Variants in WWC2 observed in about 807,000 individuals in gnomAD.
WWC2 encodes the protein protein WWC2.
Under a neutral mutation model 138.5 loss-of-function variants are expected in WWC2, and 101 were observed. That is an observed-to-expected ratio of 0.73 (90% CI 0.62 to 0.86). WWC2 has a LOEUF of 0.86. Ranked by LOEUF, WWC2 falls within the 40% of genes least tolerant of loss-of-function variation. The probability of loss-of-function intolerance (pLI) is 0.00; values close to 1 mark genes in which losing one functional copy is unlikely to be tolerated. For missense variants in WWC2, 1,420 were observed against 1,419.4 expected (o/e 1.00, Z -0.01); for synonymous variants, 558 against 538.4 (o/e 1.04, Z -0.50).
chr4:183,296,933 C>CAAAAAAAAAAAAAAA (rs776211338), intron 21 of WWC2, among the ~76,000 whole-genome samples: 1 of 70,766 alleles, frequency 1.4e-5, no homozygotes, highest in African/African-American at 6.3e-5. Context: ...GACTCCGTCT[C>CAAAAAAAAAAAAAAA]AAAAAAAAAA....
At chr4:183,270,967 T>A (rs992081098) in intron 15 of WWC2, 113 bp from the exon 16 acceptor site, 13 of 995,914 alleles carry the variant, frequency 1.3e-5, no homozygotes, top group Non-Finnish European at 1.6e-5. Flanking sequence ...GTGTTTTTTT[T>A]ACCCTAAAAC....
intron 9 of WWC2, among the ~76,000 whole-genome samples, chr4:183,256,345 T>C (rs1026761003): frequency 2.0e-5 from 3 of 152,208 alleles, no homozygotes; most frequent in African/African-American, 4.8e-5. Flanking sequence ...CCTGCTGCCA[T>C]TGGGAACACT....
Position 183,235,034 on chromosome 4 carries a change from A to G in WWC2, c.523-5149A>G, listed in dbSNP as rs1736373654. On this transcript the variant is annotated intron_variant, in intron 4 of 22. Transcript: ENST00000403733. ...AACACCATACCGATAAAACCAAAAC[A>G]ACTAGAAATAATGTCTGCTTGGAAA... 2.6e-5 allele frequency among the ~76,000 whole-genome samples: 4 copies of G among 152,230 alleles called. No homozygotes were observed. In the South Asian group the frequency reaches 8.3e-4, roughly 32 times the overall value.
intron 16 of WWC2, among the ~76,000 whole-genome samples, chr4:183,278,875 T>C (rs1737962808): frequency 6.6e-6 from 1 of 151,030 alleles, no homozygotes; most frequent in African/African-American, 2.4e-5. Flanking sequence ...AAGGAGGTTT[T>C]GGGCTGAGAC....
chr4:183,223,777 C>T (rs1353367836), intron 4 of WWC2, among the ~76,000 whole-genome samples: 2 of 152,096 alleles, frequency 1.3e-5, no homozygotes, highest in African/African-American at 4.8e-5. Flanking sequence ...CTTACCCAGG[C>T]TGAAGGGCAG....
At chr4:183,102,675 G>A (rs937383052) in intron 1 of WWC2, among the ~76,000 whole-genome samples, 5 of 152,150 alleles carry the variant, frequency 3.3e-5, no homozygotes, top group African/African-American at 1.2e-4. Flanking sequence ...TTCAGGCTGA[G>A]TGACTAGGCT....
rs536109135 is a variant in WWC2 at position 183,229,865 on chromosome 4, G to A, written c.523-10318G>A. On this transcript the variant is annotated intron_variant, in intron 4 of 22. Transcript: ENST00000403733. ...TTTTGAGACAGAGTCTCGCTCTTTC[G>A]CCAAGGCTGGAGTGCAGCGGCTCAA... is the stretch of plus-strand genomic sequence containing the variant. Among the ~76,000 whole-genome samples the A allele has an allele frequency of 3.6e-4, 54 of 152,086 alleles. 1 individual carries two copies. The South Asian group carries it at 8.9e-3, about 25-fold the overall frequency.
intron 1 of WWC2, among the ~76,000 whole-genome samples, chr4:183,110,081 A>C (rs1031887464): frequency 6.6e-6 from 1 of 152,210 alleles, no homozygotes; most frequent in African/African-American, 2.4e-5. Flanking sequence ...TTGCCATGGC[A>C]GGGCCTAAAG....
intron 1 of WWC2, among the ~76,000 whole-genome samples, chr4:183,186,418 C>A (rs1321315677): frequency 6.6e-6 from 1 of 152,082 alleles, no homozygotes; most frequent in Non-Finnish European, 1.5e-5. Context: ...AAGGGAAATT[C>A]TATGATAGGG....
At chr4:183,136,737 T>A (rs947253652) in intron 1 of WWC2, among the ~76,000 whole-genome samples, 17 of 152,284 alleles carry the variant, frequency 1.1e-4, no homozygotes, top group East Asian at 5.8e-4. Context: ...TTTTGCAAAA[T>A]TTTTTTAAAG....
chr4:183,100,518 G>A (rs1389608453), intron 1 of WWC2, among the ~76,000 whole-genome samples: 1 of 152,148 alleles, frequency 6.6e-6, no homozygotes, highest in Non-Finnish European at 1.5e-5. Context: ...ATTCCTAATT[G>A]TAAATTTAAA....
intron 1 of WWC2, among the ~76,000 whole-genome samples, chr4:183,126,405 G>A (rs1438438879): frequency 6.6e-6 from 1 of 152,134 alleles, no homozygotes; most frequent in Non-Finnish European, 1.5e-5. Context: ...TGACATCCTG[G>A]TTCTCAACTC....
At chr4:183,139,808 T>G (rs1450979898) in intron 1 of WWC2, among the ~76,000 whole-genome samples, 2 of 146,944 alleles carry the variant, frequency 1.4e-5, no homozygotes, top group African/African-American at 2.7e-5. Flanking sequence ...AATTGGTTTT[T>G]GTTTTTGTTT....
chr4:183,250,389 A>G (rs1398772028), intron 8 of WWC2, among the ~76,000 whole-genome samples: 1 of 152,166 alleles, frequency 6.6e-6, no homozygotes, highest in Non-Finnish European at 1.5e-5. Context: ...GCAAATAAGT[A>G]TTGATTTATT....
intron 5 of WWC2, among the ~76,000 whole-genome samples, chr4:183,243,732 A>G (rs1277970900): frequency 7.1e-6 from 1 of 140,316 alleles, no homozygotes; most frequent in Non-Finnish European, 1.5e-5. Context: ...TCCCCATTCT[A>G]AACACTGTGT....
intron 21 of WWC2, among the ~76,000 whole-genome samples, chr4:183,309,830 G>A (rs937244150): frequency 6.6e-6 from 1 of 152,198 alleles, no homozygotes; most frequent in African/African-American, 2.4e-5. Flanking sequence ...CCTTCAGTAG[G>A]TGAATGGTTA....
chr4:183,281,244 T>A (rs1310044358), intron 17 of WWC2: 4 of 335,110 alleles, frequency 1.2e-5, no homozygotes, highest in Non-Finnish European at 2.1e-5. Flanking sequence ...TATTTTTCTT[T>A]TAACTACCTG....
At position 183,255,259 on chromosome 4, in the gene WWC2, C is replaced by T. The variant is rs577461090; in HGVS notation, c.1196+1260C>T. On this transcript the variant is annotated intron_variant, in intron 9 of 22. Transcript: ENST00000403733. ...TTTCTGTCTAATTTTGCTGACCAAA[C>T]GGTCAGCCTGAGGGAAGTGTCAGCC... 9.3e-4 allele frequency among the ~76,000 whole-genome samples: 142 copies of T among 152,294 alleles called. 1 individual carries two copies. The highest frequency in any genetic ancestry group is 5.4e-4 in the Non-Finnish European group (37 of 68,008).
chr4:183,282,180 T>G (rs996991938), intron 17 of WWC2, among the ~76,000 whole-genome samples: 2 of 152,212 alleles, frequency 1.3e-5, no homozygotes, highest in African/African-American at 4.8e-5. Flanking sequence ...ATACCACTTA[T>G]AATGCCACTT....
Sources: allele counts gnomAD v4.1 joint callset (sites outside exome capture counted in the v4.1 genomes callset), GRCh38; gene constraint gnomAD v4.1.1; transcripts MANE v1.5; gene names NCBI Gene and HGNC (gene_info 2026-07-23, HGNC 2026-07-21).